CCSER1: variants seen among roughly 807,000 people sequenced by gnomAD.
CCSER1 encodes serine-rich coiled-coil domain-containing protein 1.
Under a neutral mutation model 82.0 loss-of-function variants are expected in CCSER1, and 41 were observed. The observed-to-expected ratio is 0.50, with a 90% CI of 0.39 to 0.65. The LOEUF (loss-of-function observed/expected upper bound fraction) is 0.65, where lower values mean the gene tolerates loss of function less well. Among genes scored for constraint, CCSER1 ranks in the 30% least tolerant of loss-of-function variants. The probability of loss-of-function intolerance (pLI) is 0.00; values close to 1 mark genes in which losing one functional copy is unlikely to be tolerated. For missense variants in CCSER1, 1,119 were observed against 1,064.2 expected, an observed-to-expected ratio of 1.05 and a Z score of -0.72; for synonymous variants, 414 against 383.9, an observed-to-expected ratio of 1.08 and a Z score of -0.92.
In CCSER1 at chr4:90,468,338, C is replaced by T; in HGVS notation, c.1708C>T (p.Pro570Ser). Residue 570 changes from proline to serine, a missense_variant, in exon 5 of 11, where the codon CCT becomes TCT. Physicochemically the swap from Pro to Ser is moderately conservative, Grantham distance 74. Coordinates refer to ENST00000509176, the MANE Select transcript of CCSER1 (RefSeq NM_001145065.2). The part of the protein sequence containing the change: ...EMKKREEPEF[P>S]EPSKQNLSLK... ...GAAGAAAAGAGAAGAACCAGAATTTCCTGAGCCTTCCAAACAGTGAGTTGT... is the reference window on the plus strand; with the variant it reads ...GAAGAAAAGAGAAGAACCAGAATTTTCTGAGCCTTCCAAACAGTGAGTTGT... The T allele has an allele frequency of 1.2e-6, 2 of 1,604,078 alleles. No homozygotes were observed. The highest frequency in any genetic ancestry group is 8.5e-7 in the Non-Finnish European group (1 of 1,173,994).
chr4:90,641,858 TA>T, intron 6 of CCSER1: 1 of 234,544 alleles, frequency 4.3e-6, no homozygotes, highest in South Asian at 4.8e-5. Flanking sequence ...ACTGGTGTGG[TA>T]ATCTATTTGT....
chr4:91,209,670 T>G (rs1345650516), intron 10 of CCSER1, among the ~76,000 whole-genome samples: 1 of 151,852 alleles, frequency 6.6e-6, no homozygotes, highest in Admixed American at 6.6e-5. Flanking sequence ...AGCCTGAAGT[T>G]TTCTTTCTTT....
intron 10 of CCSER1, among the ~76,000 whole-genome samples, chr4:91,362,607 A>T (rs1361772376): frequency 2.6e-5 from 4 of 151,864 alleles, no homozygotes; most frequent in African/African-American, 9.7e-5. Flanking sequence ...TGTAGGGGCT[A>T]AGGCTATCTG....
intron 8 of CCSER1, among the ~76,000 whole-genome samples, chr4:90,860,060 G>A (rs1444039046): frequency 6.6e-6 from 1 of 151,594 alleles, no homozygotes; most frequent in Non-Finnish European, 1.5e-5. Context: ...TATCAAGAAA[G>A]TGAAGACAAC....
intron 8 of CCSER1, among the ~76,000 whole-genome samples, chr4:90,842,619 TGAA>T (rs1485172279): frequency 6.6e-6 from 1 of 152,176 alleles, no homozygotes; most frequent in African/African-American, 2.4e-5. Flanking sequence ...GTCTGATCAT[TGAA>T]GAGAACCATC....
chr4:90,455,184 G>A (rs551544528), intron 4 of CCSER1, among the ~76,000 whole-genome samples: 2 of 152,322 alleles, frequency 1.3e-5, no homozygotes, highest in South Asian at 2.1e-4. Flanking sequence ...TTGCTCTCAT[G>A]TCTACAGAAA....
intron 1 of CCSER1, among the ~76,000 whole-genome samples, chr4:90,147,025 T>A (rs910978194): frequency 6.6e-6 from 1 of 152,148 alleles, no homozygotes; most frequent in African/African-American, 2.4e-5. Context: ...TTGATTATTT[T>A]ATTTATTTAT....
intron 8 of CCSER1, among the ~76,000 whole-genome samples, chr4:90,847,036 T>A (rs1326015660): frequency 6.6e-6 from 1 of 152,210 alleles, no homozygotes; most frequent in Non-Finnish European, 1.5e-5. Flanking sequence ...CTGAAACTGT[T>A]CCCCCATTTG....
At chr4:90,639,048 G>T (rs1405536930) in intron 6 of CCSER1, among the ~76,000 whole-genome samples, 3 of 152,026 alleles carry the variant, frequency 2.0e-5, no homozygotes, top group Admixed American at 6.6e-5. Context: ...GTGTGAGTTT[G>T]GGGTAGGCAC....
At chr4:91,570,277 C>T (rs1763107948) in intron 10 of CCSER1, among the ~76,000 whole-genome samples, 1 of 151,500 alleles carries the variant, frequency 6.6e-6, no homozygotes, top group Non-Finnish European at 1.5e-5. Flanking sequence ...TGGAAGCTGT[C>T]AGTGGGTCTA....
intron 10 of CCSER1, among the ~76,000 whole-genome samples, chr4:91,514,648 T>G (rs1417096062): frequency 1.3e-5 from 2 of 152,144 alleles, no homozygotes; most frequent in African/African-American, 4.8e-5. Flanking sequence ...TTATTTGGAT[T>G]AGCTTATGTG....
chr4:90,927,338 A>T (rs1729190554), intron 9 of CCSER1, among the ~76,000 whole-genome samples: 1 of 152,056 alleles, frequency 6.6e-6, no homozygotes, highest in Non-Finnish European at 1.5e-5. Flanking sequence ...ACATTTAATA[A>T]GAAGCCATTT....
At position 91,384,425 on chromosome 4, in the gene CCSER1, A is replaced by AT. The variant is rs1553931191; in HGVS notation, c.2218-214145dup. Among the ~76,000 whole-genome samples, 3 of 151,874 alleles carry AT rather than the reference A, an allele frequency of 2.0e-5. No individual in the cohort carries two copies. In the South Asian group the frequency reaches 6.2e-4, roughly 31 times the overall value. ...TTATGAGATTAAAATGCAACATGATATTAGATTTTTCAAAAGCATTTTTGA... is the reference window on the plus strand; with the variant it reads ...TTATGAGATTAAAATGCAACATGATATTTAGATTTTTCAAAAGCATTTTTGA... On this transcript the variant is annotated intron_variant, in intron 10 of 10. Transcript: ENST00000509176.
intron 6 of CCSER1, among the ~76,000 whole-genome samples, chr4:90,710,189 C>T (rs568929639): frequency 6.6e-6 from 1 of 152,034 alleles, no homozygotes; most frequent in African/African-American, 2.4e-5. Context: ...GGATATTAGA[C>T]CTTTGTCCCT....
intron 1 of CCSER1, among the ~76,000 whole-genome samples, chr4:90,271,858 ATATATTTTTTTT>A (rs1390889802): frequency 1.6e-4 from 4 of 24,392 alleles, no homozygotes; most frequent in Admixed American, 4.9e-4. Flanking sequence ...ATATATATAT[ATATATTTTTTTT>A]TTTTTTTTTT....
chr4:90,475,629 A>G (rs1403639919), intron 5 of CCSER1, among the ~76,000 whole-genome samples: 1 of 152,166 alleles, frequency 6.6e-6, no homozygotes, highest in Non-Finnish European at 1.5e-5. Flanking sequence ...TCGAGGGTGA[A>G]AAATCGCTGG....
At chr4:91,124,448 A>C (rs1277022880) in intron 10 of CCSER1, among the ~76,000 whole-genome samples, 1 of 151,692 alleles carries the variant, frequency 6.6e-6, no homozygotes, top group African/African-American at 2.4e-5. Context: ...TAGTGTATTT[A>C]TCCTCATGAA....
At chr4:91,315,247 T>C (rs1314926757) in intron 10 of CCSER1, among the ~76,000 whole-genome samples, 1 of 151,830 alleles carries the variant, frequency 6.6e-6, no homozygotes, top group Non-Finnish European at 1.5e-5. Flanking sequence ...GGCTTCTGAA[T>C]TGGCCCTCAG....
At chr4:90,314,731 A>G (rs772783739) in intron 3 of CCSER1, among the ~76,000 whole-genome samples, 1 of 152,018 alleles carries the variant, frequency 6.6e-6, no homozygotes, top group East Asian at 1.9e-4. Context: ...CCTGGGCAAC[A>G]GAGCAAGACC....
Sources: gnomAD v4.1 joint callset for allele counts (sites outside exome capture counted in the v4.1 genomes callset) on GRCh38, gnomAD v4.1.1 for gene constraint, MANE v1.5 for transcripts, NCBI Gene and HGNC (gene_info 2026-07-23, HGNC 2026-07-21) for gene names.